The following NTNG2 variants were observed in gnomAD, a reference collection of about 807,000 sequenced individuals.
NTNG2 encodes the protein netrin G2.
A neutral mutation model predicts 47.6 loss-of-function variants in NTNG2; 15 were observed. That is an observed-to-expected ratio of 0.32 (90% CI 0.21 to 0.49). The LOEUF (loss-of-function observed/expected upper bound fraction) is 0.49, where lower values mean the gene tolerates loss of function less well. Among genes scored for constraint, NTNG2 ranks in the 20% least tolerant of loss-of-function variants. NTNG2 has a pLI of 0.99. For synonymous variants in NTNG2, 307 were observed against 324.6 expected (o/e 0.95, Z 0.58); for missense variants, 578 against 764.6 (o/e 0.76, Z 2.88).
intron 5 of NTNG2, among the ~76,000 whole-genome samples, chr9:132,238,449 A>G (rs1841777388): frequency 2.0e-5 from 3 of 152,180 alleles, no homozygotes. Flanking sequence ...GGCCAGGACC[A>G]GGGGGAGGCA....
At chr9:132,214,397 C>T (rs1839824159) in intron 3 of NTNG2, among the ~76,000 whole-genome samples, 1 of 152,198 alleles carries the variant, frequency 6.6e-6, no homozygotes, top group Admixed American at 6.5e-5. Flanking sequence ...GGCCAGGGCC[C>T]CTGTCATCCT....
intron 3 of NTNG2, among the ~76,000 whole-genome samples, chr9:132,201,269 C>T (rs1343671286): frequency 6.6e-6 from 1 of 152,264 alleles, no homozygotes; most frequent in Non-Finnish European, 1.5e-5. Flanking sequence ...CCTGAGGCTG[C>T]CTGGAGCCCA....
At position 132,186,009 on chromosome 9, in the gene NTNG2, C is replaced by A. The variant is rs529565457; in HGVS notation, c.214-11957C>A. On this transcript the variant is annotated intron_variant, in intron 2 of 7. Transcript: ENST00000393229. ...AGGAGGGCTTAGCCTCACCCGGCCT[C>A]CCTCTCTCCTTTTTCTAATCAATTA... Among the ~76,000 whole-genome samples, 195 of 152,284 alleles carry A rather than the reference C, an allele frequency of 1.3e-3. 3 individuals carry two copies. The highest frequency in any genetic ancestry group is 4.4e-3 in the African/African-American group (181 of 41,542).
In NTNG2 at chr9:132,215,832, A is replaced by G. The variant is rs1332958201; in HGVS notation, c.858-11017A>G. 1.3e-5 allele frequency among the ~76,000 whole-genome samples: 2 copies of G among 151,974 alleles called. No homozygotes were observed. The highest frequency in any genetic ancestry group is 4.8e-5 in the African/African-American group (2 of 41,342). On this transcript the variant is annotated intron_variant, in intron 3 of 7. Transcript: ENST00000393229. This position sits in a 1 kb window ranked among gnomAD's most constrained non-coding sequence, Gnocchi z 4.2. ...GGTAAGGCCGATCTTGGCACCTGGGAGCCCATGTACTCTCATCTCCGTCCC... is the reference window on the plus strand; with the variant it reads ...GGTAAGGCCGATCTTGGCACCTGGGGGCCCATGTACTCTCATCTCCGTCCC...
At chr9:132,164,085 T>C (rs551430132) in intron 1 of NTNG2, among the ~76,000 whole-genome samples, 92 of 152,284 alleles carry the variant, frequency 6.0e-4, no homozygotes, top group African/African-American at 2.1e-3. Flanking sequence ...TTCTCTTTTT[T>C]CTTTTTGGCA....
intron 2 of NTNG2, among the ~76,000 whole-genome samples, chr9:132,174,344 A>G: frequency 8.6e-6 from 1 of 116,188 alleles, no homozygotes; most frequent in African/African-American, 4.2e-5. Context: ...AGACAGGTCG[A>G]ACCATGCTGC....
At chr9:132,165,538 G>A (rs956018610) in intron 1 of NTNG2, among the ~76,000 whole-genome samples, 9 of 152,182 alleles carry the variant, frequency 5.9e-5, no homozygotes, top group African/African-American at 2.2e-4. Context: ...TTGTGCCTAT[G>A]ATTGGGGGGC....
chr9:132,173,431 T>C (rs1328010586), intron 2 of NTNG2, among the ~76,000 whole-genome samples: 1 of 152,080 alleles, frequency 6.6e-6, no homozygotes, highest in Non-Finnish European at 1.5e-5. Context: ...CAGGCAGCTG[T>C]GTGAAAGGGC....
intron 3 of NTNG2, among the ~76,000 whole-genome samples, chr9:132,209,014 C>A (rs957078785): frequency 1.3e-5 from 2 of 152,184 alleles, no homozygotes; most frequent in Non-Finnish European, 2.9e-5. Flanking sequence ...CTGCGTGGCT[C>A]GGGCTCCTCA....
chr9:132,170,423 C>G (rs1835822411), intron 2 of NTNG2, among the ~76,000 whole-genome samples: 1 of 152,234 alleles, frequency 6.6e-6, no homozygotes, highest in African/African-American at 2.4e-5. Context: ...CACCCACATT[C>G]CCAGGGCCTG....
At position 132,242,097 on chromosome 9, in the gene NTNG2, C is replaced by A; in HGVS notation, c.1579C>A (p.Arg527Ser). The change falls in exon 8 of 8, where the codon CGC becomes AGC. Residue 527 changes from arginine (R) to serine (S), a missense_variant. Arg to Ser is a moderately radical substitution (Grantham distance 110). Transcript: ENST00000393229. The surrounding 1 kb of genome is among the most constrained non-coding windows in gnomAD (Gnocchi z 5.9). The part of the protein sequence containing the change: ...GCLLLLGLAA[R>S]LGR ...CCTGCTGCTGCTGGGGCTGGCCGCC[C>A]GCCTGGGCCGCTGAGCCCCGCCCGG... 8.6e-7 allele frequency: 1 copy of A among 1,159,458 alleles called. No homozygotes were observed. The highest frequency in any genetic ancestry group is 1.1e-6 in the Non-Finnish European group (1 of 944,252). The allele number at this position is 1,159,458 out of a possible 1,614,324, so 71.8% of individuals were successfully genotyped here.
At chr9:132,214,139 A>ATTCCCC (rs1294746552) in intron 3 of NTNG2, among the ~76,000 whole-genome samples, 1 of 152,348 alleles carries the variant, frequency 6.6e-6, no homozygotes, top group South Asian at 2.1e-4. Context: ...TTCCTCCGTC[A>ATTCCCC]TTCCCCGCAA....
chr9:132,189,962 G>A (rs1837739892), intron 2 of NTNG2, among the ~76,000 whole-genome samples: 1 of 145,568 alleles, frequency 6.9e-6, no homozygotes, highest in Non-Finnish European at 1.5e-5. Flanking sequence ...AATATTTTAA[G>A]AAGGTTTTAG....
At chr9:132,240,595 G>A (rs1010140601) in intron 6 of NTNG2, 1 of 476,746 alleles carries the variant, frequency 2.1e-6, no homozygotes, top group Non-Finnish European at 3.8e-6. Flanking sequence ...GCTCTTTGGA[G>A]ATGGGAAGGA....
chr9:132,234,425 G>C (rs1459238337), intron 5 of NTNG2, among the ~76,000 whole-genome samples: 1 of 152,234 alleles, frequency 6.6e-6, no homozygotes, highest in Non-Finnish European at 1.5e-5. Context: ...ACAGGCCATG[G>C]CGAGAACTTG....
At chr9:132,181,638 T>C (rs1238616176) in intron 2 of NTNG2, among the ~76,000 whole-genome samples, 1 of 152,208 alleles carries the variant, frequency 6.6e-6, no homozygotes, top group African/African-American at 2.4e-5. Context: ...CTTGATTCTA[T>C]ATCCTTCTCC....
intron 2 of NTNG2, among the ~76,000 whole-genome samples, chr9:132,186,584 G>A (rs1185233002): frequency 6.6e-6 from 1 of 152,178 alleles, no homozygotes; most frequent in Non-Finnish European, 1.5e-5. Flanking sequence ...TTCTGACCTT[G>A]GCTTCCCAGT....
chr9:132,242,312 C>T lies in NTNG2; in HGVS notation c.*201C>T, dbSNP rs1842040955. ...GCAGGGGCGCCTTGGGACTCCGGTC[C>T]CCGCGCCTGCGATTTGGTTTCGTTT... On this transcript the variant is annotated 3_prime_UTR_variant, in exon 8 of 8. Coordinates refer to ENST00000393229, the MANE Select transcript of NTNG2 (RefSeq NM_032536.4). This position sits in a 1 kb window ranked among gnomAD's most constrained non-coding sequence, Gnocchi z 5.9. 1 of 189,396 alleles carries T rather than the reference C, an allele frequency of 5.3e-6. No homozygotes were observed. The allele number at this position is 189,396 out of a possible 1,614,324, so 11.7% of individuals were successfully genotyped here.
chr9:132,226,836 G>A lies in NTNG2; in HGVS notation c.858-13G>A, dbSNP rs1840794100. ...AGCTCTCTGACATCTCTGCCCTCTC[G>A]GTGTCTCCCCAGGTGCAAGTGCAAC... On this transcript the variant is annotated splice_polypyrimidine_tract_variant and intron_variant, in intron 3 of 7. Coordinates refer to ENST00000393229, the MANE Select transcript of NTNG2 (RefSeq NM_032536.4). This position sits in a 1 kb window ranked among gnomAD's most constrained non-coding sequence, Gnocchi z 4.8. The A allele has an allele frequency of 1.3e-6, 2 of 1,581,538 alleles. No homozygotes were observed. The highest frequency in any genetic ancestry group is 8.6e-7 in the Non-Finnish European group (1 of 1,163,362).
Sources: allele counts gnomAD v4.1 joint callset (sites outside exome capture counted in the v4.1 genomes callset), GRCh38; gene constraint gnomAD v4.1.1; non-coding constraint Gnocchi (gnomAD v3.1); transcripts MANE v1.5; gene names NCBI Gene and HGNC (gene_info 2026-07-23, HGNC 2026-07-21).